The following TLE4 variants were observed in gnomAD, a reference collection of about 807,000 sequenced individuals.
TLE4 encodes TLE family member 4, transcriptional corepressor, also known as transducin-like enhancer protein 4.
A neutral mutation model predicts 92.8 loss-of-function variants in TLE4; 8 were observed. The observed-to-expected ratio is 0.09, with a 90% CI of 0.05 to 0.16. TLE4 has a LOEUF of 0.16. Among genes scored for constraint, TLE4 ranks in the 10% least tolerant of loss-of-function variants. The pLI is 1.00. For missense variants in TLE4, 675 were observed against 997.6 expected, an observed-to-expected ratio of 0.68 and a Z score of 4.36; for synonymous variants, 371 against 374.1, an observed-to-expected ratio of 0.99 and a Z score of 0.10.
chr9:79,640,420 T>A (rs969761284), intron 6 of TLE4, among the ~76,000 whole-genome samples: 1 of 152,138 alleles, frequency 6.6e-6, no homozygotes, highest in Non-Finnish European at 1.5e-5. Flanking sequence ...TGTGTGGCTT[T>A]TAATTTTTTT....
chr9:79,592,921 T>G (rs1245820672), intron 4 of TLE4, among the ~76,000 whole-genome samples: 2 of 152,236 alleles, frequency 1.3e-5, no homozygotes, highest in Non-Finnish European at 2.9e-5. Context: ...TTATTCCCAT[T>G]GTTCATTATG....
At chr9:79,598,084 A>G (rs1040401962) in intron 4 of TLE4, among the ~76,000 whole-genome samples, 2 of 149,888 alleles carry the variant, frequency 1.3e-5, no homozygotes, top group Admixed American at 6.6e-5. Flanking sequence ...AGAAAAAAAA[A>G]AAAAAAAAAA....
intron 1 of TLE4, chr9:79,573,456 CCGGGGCG>C (rs1389822385): frequency 1.8e-6 from 2 of 1,096,012 alleles, no homozygotes; most frequent in African/African-American, 3.3e-5. Flanking sequence ...CCCTCGGGGT[CCGGGGCG>C]CGGGGGCCTG....
chr9:79,611,788 T>C (rs2048419249), intron 4 of TLE4, among the ~76,000 whole-genome samples: 1 of 152,008 alleles, frequency 6.6e-6, no homozygotes, highest in Non-Finnish European at 1.5e-5. Context: ...TTGGTAAAAC[T>C]GTGAGTAACT....
intron 14 of TLE4, among the ~76,000 whole-genome samples, chr9:79,714,150 C>T (rs1009101902): frequency 3.9e-5 from 6 of 152,138 alleles, no homozygotes; most frequent in African/African-American, 7.2e-5. Flanking sequence ...TGAGCTACCG[C>T]GCCCAACAGG....
At chr9:79,607,565 G>C (rs1365916644) in intron 4 of TLE4, among the ~76,000 whole-genome samples, 1 of 152,116 alleles carries the variant, frequency 6.6e-6, no homozygotes, top group Non-Finnish European at 1.5e-5. Flanking sequence ...TGTAAGGAAG[G>C]GATCCAGTTT....
chr9:79,634,901 T>G (rs2133786345), intron 6 of TLE4, among the ~76,000 whole-genome samples: 2 of 152,278 alleles, frequency 1.3e-5, no homozygotes, highest in Admixed American at 1.3e-4. Flanking sequence ...TAAAGGACAG[T>G]TGGTTGAATA....
rs557161765 is a variant in TLE4 at position 79,644,460 on chromosome 9, G to C, written c.391-8133G>C. ...ATTCTTCCAGCAACCTTGGGAGGTA[G>C]ATTTTGTAACTAACTGTTCTCGCTT... On this transcript the variant is annotated intron_variant, in intron 6 of 19. Transcript: ENST00000376552. 2.6e-4 allele frequency among the ~76,000 whole-genome samples: 40 copies of C among 152,312 alleles called. 1 individual carries two copies. The South Asian group carries it at 7.9e-3, about 30-fold the overall frequency.
At chr9:79,613,857 G>A (rs1053571923) in intron 5 of TLE4, among the ~76,000 whole-genome samples, 14 of 152,104 alleles carry the variant, frequency 9.2e-5, no homozygotes. Flanking sequence ...CCCTTCATAG[G>A]TATATACTGG....
intron 8 of TLE4, among the ~76,000 whole-genome samples, chr9:79,685,283 C>T (rs182302901): frequency 9.1e-4 from 138 of 152,128 alleles, no homozygotes; most frequent in African/African-American, 2.9e-3. Flanking sequence ...GAAAACATGC[C>T]CGTTGTTCTT....
intron 4 of TLE4, among the ~76,000 whole-genome samples, chr9:79,603,590 A>G (rs1318449309): frequency 6.6e-6 from 1 of 152,128 alleles, no homozygotes; most frequent in Admixed American, 6.5e-5. Context: ...TTTGTACTAT[A>G]CTGTAGTACA....
chr9:79,613,748 C>G (rs1372578037), intron 5 of TLE4, among the ~76,000 whole-genome samples: 1 of 152,036 alleles, frequency 6.6e-6, no homozygotes, highest in Non-Finnish European at 1.5e-5. Context: ...TGTTATGTGG[C>G]CAATATTTGA....
rs576975717 is a variant in TLE4 at position 79,620,971 on chromosome 9, A to G, written c.316-6403A>G. Among the ~76,000 whole-genome samples, 151 of 152,306 alleles carry G rather than the reference A, an allele frequency of 9.9e-4. 1 individual carries two copies. Among genetic ancestry groups the G allele is most frequent in the African/African-American group, 3.4e-3 (142 of 41,572 alleles). On this transcript the variant is annotated intron_variant, in intron 5 of 19. Transcript: ENST00000376552. ...CACTCTCTGTTGCGAAGACAACATC[A>G]GGCCATGAAGGATTCACCCCCATGA...
At chr9:79,610,833 G>A (rs2048197958) in intron 4 of TLE4, among the ~76,000 whole-genome samples, 1 of 152,002 alleles carries the variant, frequency 6.6e-6, no homozygotes. Context: ...TTTCCTTAGA[G>A]TCGTTTTTAT....
At position 79,668,501 on chromosome 9, in the gene TLE4, C is replaced by T. The variant is rs555191748; in HGVS notation, c.609+14426C>T. Among the ~76,000 whole-genome samples, 18 of 152,270 alleles carry T rather than the reference C, an allele frequency of 1.2e-4. No homozygotes were observed. In the East Asian group the frequency reaches 3.3e-3, roughly 28 times the overall value. On this transcript the variant is annotated intron_variant, in intron 8 of 19. Coordinates refer to ENST00000376552, the MANE Select transcript of TLE4 (RefSeq NM_007005.6). Reference sequence around the variant, plus strand: ...ATTTTGTTGCTTATGTACCTTGGCTCACAGAGGTGAGAGAATCAAGGAGGT... The same window carrying T: ...ATTTTGTTGCTTATGTACCTTGGCTTACAGAGGTGAGAGAATCAAGGAGGT...
At chr9:79,633,062 GGT>G (rs2054736498) in intron 6 of TLE4, among the ~76,000 whole-genome samples, 1 of 152,038 alleles carries the variant, frequency 6.6e-6, no homozygotes, top group Non-Finnish European at 1.5e-5. Context: ...TTTCTTAACT[GGT>G]TCATTTGCCA....
intron 18 of TLE4, 53 bp downstream of exon 18, chr9:79,722,654 C>T (rs1215181304): frequency 6.3e-7 from 1 of 1,591,358 alleles, no homozygotes; most frequent in Non-Finnish European, 8.6e-7. Flanking sequence ...CTCCTTCCCC[C>T]TTCCTGTGTT....
intron 8 of TLE4, among the ~76,000 whole-genome samples, chr9:79,694,652 GGTA>G (rs769330701): frequency 4.6e-5 from 7 of 152,022 alleles, no homozygotes; most frequent in Non-Finnish European, 1.0e-4. Context: ...TAAAGCACCA[GGTA>G]GTCATCTATG....
intron 8 of TLE4, among the ~76,000 whole-genome samples, chr9:79,692,467 A>G (rs2067272708): frequency 6.6e-6 from 1 of 152,150 alleles, no homozygotes; most frequent in Admixed American, 6.5e-5. Context: ...AGACTTGGCC[A>G]TTGCCTTTTA....
Sources: gnomAD v4.1 joint callset for allele counts (sites outside exome capture counted in the v4.1 genomes callset) on GRCh38, gnomAD v4.1.1 for gene constraint, MANE v1.5 for transcripts, NCBI Gene and HGNC (gene_info 2026-07-23, HGNC 2026-07-21) for gene names.